The following PAPPA2 variants were observed in gnomAD, a reference collection of about 807,000 sequenced individuals.
PAPPA2 encodes the protein pappalysin 2.
PAPPA2 carries 86 observed loss-of-function variants against 176.4 expected under a neutral mutation model. That is an observed-to-expected ratio of 0.49 (90% CI 0.41 to 0.58). The LOEUF is 0.58. PAPPA2 is among the 20% of genes least tolerant of loss of function. The pLI is 0.00. For synonymous variants in PAPPA2, 809 were observed against 852.2 expected, an observed-to-expected ratio of 0.95 and a Z score of 0.88; for missense variants, 2,073 against 2,256.9, an observed-to-expected ratio of 0.92 and a Z score of 1.65.
chr1:176,614,126 C>T (rs1328696201), intron 3 of PAPPA2, among the ~76,000 whole-genome samples: 1 of 152,100 alleles, frequency 6.6e-6, no homozygotes, highest in Non-Finnish European at 1.5e-5. Context: ...AGCTACTAAC[C>T]CAACCCAGAA....
chr1:176,678,958 C>T (rs181905200), intron 4 of PAPPA2, among the ~76,000 whole-genome samples: 82 of 151,788 alleles, frequency 5.4e-4, no homozygotes, highest in Non-Finnish European at 8.1e-4. Flanking sequence ...GAATTGTGAG[C>T]ACAAGGAAAG....
intron 20 of PAPPA2, among the ~76,000 whole-genome samples, 193 bp downstream of exon 20, chr1:176,793,862 G>A (rs1052225815): frequency 2.6e-5 from 4 of 152,162 alleles, no homozygotes; most frequent in Admixed American, 1.3e-4. Context: ...GATATCCGCC[G>A]AGGTGGGCGG....
chr1:176,740,117 AG>A lies in PAPPA2; in HGVS notation c.4074del (p.Thr1359HisfsTer49). On this transcript the variant is annotated frameshift_variant, in exon 14 of 23. Coordinates refer to ENST00000367662, the MANE Select transcript of PAPPA2 (RefSeq NM_020318.3). LOFTEE classifies it high-confidence loss of function. ...PRVGISAVAL[R>X]TSSRIGLSAP... Reference sequence around the variant, plus strand: ...GGTCGGCATCTCAGCTGTGGCTCTAAGGACATCCTCCCGCATTGGTCTTTCG... The same window carrying A: ...GGTCGGCATCTCAGCTGTGGCTCTAAGACATCCTCCCGCATTGGTCTTTCG... The A allele has an allele frequency of 6.2e-7, 1 of 1,613,900 alleles. No homozygotes were observed. The highest frequency in any genetic ancestry group is 8.5e-7 in the Non-Finnish European group (1 of 1,179,860).
Position 176,670,914 on chromosome 1 carries a change from A to G in PAPPA2, c.1992-56A>G, listed in dbSNP as rs535861036. ...GAATCTGATTAGGTCTGGCTCTGCT[A>G]TTCTCTAAGTACCAATTCTTTGCTG... is the stretch of plus-strand genomic sequence containing the variant. On this transcript the variant is annotated intron_variant, in intron 3 of 22. Transcript: ENST00000367662. The G allele has an allele frequency of 1.1e-5, 17 of 1,604,840 alleles. No homozygotes were observed. In the Admixed American group the frequency reaches 1.7e-4, roughly 16 times the overall value.
chr1:176,573,669 G>A (rs1021770244), intron 2 of PAPPA2, among the ~76,000 whole-genome samples: 1 of 152,152 alleles, frequency 6.6e-6, no homozygotes, highest in Non-Finnish European at 1.5e-5. Context: ...TTAGTTGCAG[G>A]AAAAATAATT....
At chr1:176,487,316 C>A (rs984833154) in intron 1 of PAPPA2, among the ~76,000 whole-genome samples, 2 of 152,122 alleles carry the variant, frequency 1.3e-5, no homozygotes, top group Non-Finnish European at 2.9e-5. Flanking sequence ...ATTCAGAAAG[C>A]CTGCAGCTTC....
intron 21 of PAPPA2, among the ~76,000 whole-genome samples, chr1:176,828,659 T>C (rs1425175109): frequency 6.6e-6 from 1 of 152,076 alleles, no homozygotes; most frequent in Non-Finnish European, 1.5e-5. Context: ...CATATGCACA[T>C]GCATTGCATA....
chr1:176,722,728 T>C (rs1661683035), intron 12 of PAPPA2, among the ~76,000 whole-genome samples: 1 of 152,188 alleles, frequency 6.6e-6, no homozygotes, highest in Non-Finnish European at 1.5e-5. Context: ...GACTTTTAAG[T>C]CCTGACTACT....
chr1:176,515,709 G>A (rs555828483), intron 1 of PAPPA2, among the ~76,000 whole-genome samples: 3 of 152,126 alleles, frequency 2.0e-5, no homozygotes, highest in South Asian at 4.2e-4. Context: ...GCTTCATTTT[G>A]GCTTTTTTTT....
At position 176,682,058 on chromosome 1, in the gene PAPPA2, G is replaced by A. The variant is rs146941559; in HGVS notation, c.2138-8079G>A. On this transcript the variant is annotated intron_variant, in intron 4 of 22. Transcript: ENST00000367662. ...CTTTCACAGGGGGTCTTCCAGGACA[G>A]CCTTCAGCTTTCTTTCAACCAAACA... is the stretch of plus-strand genomic sequence containing the variant. Among the ~76,000 whole-genome samples, 955 of 152,332 alleles carry A rather than the reference G, an allele frequency of 6.3e-3. 12 individuals are homozygous for A. The highest frequency in any genetic ancestry group is 0.022 in the African/African-American group (895 of 41,572).
At chr1:176,741,554 A>G (rs1382321868) in intron 14 of PAPPA2, among the ~76,000 whole-genome samples, 1 of 152,128 alleles carries the variant, frequency 6.6e-6, no homozygotes, top group Non-Finnish European at 1.5e-5. Context: ...TACTTCTGGC[A>G]TATTCTATTC....
At chr1:176,542,268 A>G (rs1275978927) in intron 1 of PAPPA2, among the ~76,000 whole-genome samples, 2 of 152,162 alleles carry the variant, frequency 1.3e-5, no homozygotes, top group Non-Finnish European at 2.9e-5. Flanking sequence ...TTTTAGACAA[A>G]CATAGGAGCA....
At chr1:176,518,890 T>TAA (rs1007452537) in intron 1 of PAPPA2, among the ~76,000 whole-genome samples, 89 of 150,812 alleles carry the variant, frequency 5.9e-4, no homozygotes, top group African/African-American at 2.1e-3. Context: ...AAAGGGCACT[T>TAA]AAAAAAAAAC....
At chr1:176,807,497 CT>C (rs1156629514) in intron 21 of PAPPA2, among the ~76,000 whole-genome samples, 3,062 of 137,698 alleles carry the variant, frequency 0.022, 71 homozygotes, top group African/African-American at 0.069. Flanking sequence ...TTCTTTCTTT[CT>C]TTTTTTTTTT....
chr1:176,464,336 A>C (rs951558755), intron 1 of PAPPA2, among the ~76,000 whole-genome samples: 1 of 152,148 alleles, frequency 6.6e-6, no homozygotes, highest in Non-Finnish European at 1.5e-5. Context: ...GTTTGTATTT[A>C]TTCTATCTAC....
chr1:176,762,513 C>A (rs1233746509), intron 14 of PAPPA2, among the ~76,000 whole-genome samples: 1 of 152,150 alleles, frequency 6.6e-6, no homozygotes, highest in Non-Finnish European at 1.5e-5. Context: ...CTCTTTTCAC[C>A]CTGACTTCTT....
At chr1:176,752,342 T>TTA (rs765263463) in intron 14 of PAPPA2, among the ~76,000 whole-genome samples, 33 of 96,492 alleles carry the variant, frequency 3.4e-4, no homozygotes, top group Non-Finnish European at 6.0e-4. Flanking sequence ...TAGAGTATAA[T>TTA]AAAAAAAAAA....
intron 3 of PAPPA2, among the ~76,000 whole-genome samples, chr1:176,623,580 TTCCTTC>T (rs1655725391): frequency 6.2e-5 from 3 of 48,086 alleles, no homozygotes; most frequent in African/African-American, 1.3e-4. Context: ...CCTTCCCTCC[TTCCTTC>T]CTTCCTTCCT....
intron 12 of PAPPA2, among the ~76,000 whole-genome samples, chr1:176,724,727 A>AATAC (rs1291118943): frequency 6.6e-6 from 1 of 152,214 alleles, no homozygotes; most frequent in African/African-American, 2.4e-5. Flanking sequence ...CAGAAAACGC[A>AATAC]ATACATGTTT....
Sources: allele counts gnomAD v4.1 joint callset (sites outside exome capture counted in the v4.1 genomes callset), GRCh38; gene constraint gnomAD v4.1.1; transcripts MANE v1.5; gene names NCBI Gene and HGNC (gene_info 2026-07-23, HGNC 2026-07-21).